Variants in DOCK8 observed in about 807,000 individuals in gnomAD.
DOCK8 encodes dedicator of cytokinesis 8.
A neutral mutation model predicts 245.6 loss-of-function variants in DOCK8; 141 were observed. The observed-to-expected ratio is 0.57, with a 90% CI of 0.50 to 0.66. The LOEUF is 0.66. DOCK8 is among the 30% of genes least tolerant of loss of function. DOCK8 has a pLI of 0.00. For missense variants in DOCK8, 2,965 were observed against 2,603.4 expected (o/e 1.14, Z -3.02); for synonymous variants, 1,168 against 970.2 (o/e 1.20, Z -3.79).
chr9:416,964 T>A (rs930953375), intron 29 of DOCK8, among the ~76,000 whole-genome samples: 5 of 152,274 alleles, frequency 3.3e-5, no homozygotes, highest in Non-Finnish European at 7.3e-5. Flanking sequence ...TTTAACCATT[T>A]GTTTAAAATC....
At chr9:242,119 C>G (rs1052689382) in intron 1 of DOCK8, among the ~76,000 whole-genome samples, 1 of 152,174 alleles carries the variant, frequency 6.6e-6, no homozygotes, top group South Asian at 2.1e-4. Flanking sequence ...CATTTCATCT[C>G]TCTGGGCCTC....
Position 413,081 on chromosome 9 carries a change from G to C in DOCK8, c.3531-1701G>C, listed in dbSNP as rs145657577. Among the ~76,000 whole-genome samples, 635 of 152,088 alleles carry C rather than the reference G, an allele frequency of 4.2e-3. 6 individuals are homozygous for C. The highest frequency in any genetic ancestry group is 0.014 in the African/African-American group (591 of 41,486). On this transcript the variant is annotated intron_variant, in intron 28 of 47. Coordinates refer to ENST00000432829, the MANE Select transcript of DOCK8 (RefSeq NM_203447.4). Reference sequence around the variant, plus strand: ...ATAGACATATAGATCAATGAAATTGGGTTAAGAGTCCAAAAATAAATCTTC... The same window carrying C: ...ATAGACATATAGATCAATGAAATTGCGTTAAGAGTCCAAAAATAAATCTTC...
chr9:367,581 T>C (rs1324807190), intron 14 of DOCK8, among the ~76,000 whole-genome samples: 1 of 152,070 alleles, frequency 6.6e-6, no homozygotes, highest in Non-Finnish European at 1.5e-5. Flanking sequence ...CCAATACGAG[T>C]GCCATGCCAG....
In DOCK8 at chr9:463,597, A is replaced by G. The variant is rs770088044; in HGVS notation, c.6149A>G (p.Tyr2050Cys). The G allele has an allele frequency of 2.5e-6, 4 of 1,614,190 alleles. No individual in the cohort carries two copies. The highest frequency in any genetic ancestry group is 1.7e-5 in the Admixed American group (1 of 60,034). ...TATCAGCAGGAACTCAAAAAGAACTATAACAAGCTAAAAGAGAACCTCAGG... is the reference window on the plus strand; with the variant it reads ...TATCAGCAGGAACTCAAAAAGAACTGTAACAAGCTAAAAGAGAACCTCAGG... ...REYQQELKKN[Y>C]NKLKENLRPM... The change falls in exon 47 of 48, where the codon TAT (tyrosine) becomes TGT (cysteine). Residue 2050 changes from tyrosine (Y) to cysteine (C), a missense_variant. This residue lies in a region of DOCK8 where 134 missense variants were observed against 128.1 expected (regional missense o/e 1.05). Transcript: ENST00000432829.
At chr9:230,198 T>G (rs2131369841) in intron 1 of DOCK8, among the ~76,000 whole-genome samples, 1 of 152,208 alleles carries the variant, frequency 6.6e-6, no homozygotes. Flanking sequence ...AATGATGGTT[T>G]CCAGTTTCAT....
chr9:227,480 C>T lies in DOCK8; in HGVS notation c.53+12451C>T, dbSNP rs118166032. ...TTCTCCTATTCTAAACAATCTGCAGCGTTCCAGGTGGTGGATGATCTGTCA... is the reference window on the plus strand; with the variant it reads ...TTCTCCTATTCTAAACAATCTGCAGTGTTCCAGGTGGTGGATGATCTGTCA... On this transcript the variant is annotated intron_variant, in intron 1 of 47. Coordinates refer to ENST00000432829, the MANE Select transcript of DOCK8 (RefSeq NM_203447.4). Among the ~76,000 whole-genome samples the T allele has an allele frequency of 1.4e-3, 209 of 152,248 alleles. 2 individuals are homozygous for T. The East Asian group carries it at 0.035, about 25-fold the overall frequency.
chr9:278,455 A>G (rs972960398), intron 2 of DOCK8, among the ~76,000 whole-genome samples: 1 of 152,248 alleles, frequency 6.6e-6, no homozygotes, highest in Non-Finnish European at 1.5e-5. Flanking sequence ...TGAAGATACA[A>G]CAGTGAATAC....
In DOCK8 at chr9:325,603, G is replaced by C. The variant is rs1017529036; in HGVS notation, c.828-68G>C. 2.4e-6 allele frequency: 3 copies of C among 1,268,188 alleles called. No homozygotes were observed. In the African/African-American group the frequency reaches 4.4e-5, roughly 19 times the overall value. 78.6% of individuals were successfully genotyped at this position (1,268,188 alleles called of 1,614,324 possible). On this transcript the variant is annotated intron_variant, in intron 7 of 47. Transcript: ENST00000432829. ...TATTTTTAACCAGTTTATCTATCTA[G>C]GTGTTTTCAGAAAATTCAAAATTAT...
rs1198717236 is a variant in DOCK8 at position 428,437 on chromosome 9, G to A, written c.4414G>A (p.Asp1472Asn). ...GGTGCTGGTGAATTCTCTGAACTGT[G>A]ATCAGAGTACCACCTACCTGACTCA... ...LRVLVNSLNC[D>N]QSTTYLTHCF... Residue 1472 changes from aspartate to asparagine, a missense_variant, in exon 35 of 48, where the codon GAT becomes AAT. Physicochemically the swap from Asp to Asn is conservative, Grantham distance 23. This residue lies in a region of DOCK8 where 2,825 missense variants were observed against 2,453.5 expected (regional missense o/e 1.15). Transcript: ENST00000432829. 4 of 1,614,184 alleles carry A rather than the reference G, an allele frequency of 2.5e-6. No individual in the cohort carries two copies. The highest frequency in any genetic ancestry group is 1.6e-4 in the Middle Eastern group (1 of 6,062).
chr9:450,194 A>G (rs894948446), intron 45 of DOCK8, among the ~76,000 whole-genome samples: 26 of 152,176 alleles, frequency 1.7e-4, no homozygotes, highest in Non-Finnish European at 2.9e-5. Context: ...AGGAGTCTCC[A>G]CTTCGGGGCC....
intron 18 of DOCK8, among the ~76,000 whole-genome samples, chr9:375,032 C>T (rs954117150): frequency 3.9e-5 from 6 of 152,156 alleles, no homozygotes; most frequent in African/African-American, 1.4e-4. Context: ...TTTTTCATTT[C>T]TTCCAGTACT....
chr9:286,777 G>A, intron 3 of DOCK8, 141 bp downstream of exon 3: 1 of 843,276 alleles, frequency 1.2e-6, no homozygotes, highest in Non-Finnish European at 1.9e-6. Flanking sequence ...ACAGCTATAT[G>A]ATATCATCAT....
In DOCK8 at chr9:214,894, T is replaced by A; in HGVS notation, c.-83T>A. 6.2e-7 allele frequency: 1 copy of A among 1,602,904 alleles called. No individual in the cohort carries two copies. Among genetic ancestry groups the A allele is most frequent in the Non-Finnish European group, 8.5e-7 (1 of 1,175,548 alleles). On this transcript the variant is annotated 5_prime_UTR_variant, in exon 1 of 48. An upstream start codon of the reference 5' UTR is lost. Coordinates refer to ENST00000432829, the MANE Select transcript of DOCK8 (RefSeq NM_203447.4). ...GACGAGGTTTGCGCTTGGCTGGGCA[T>A]GTTCCGCGGCTACTCTGCGGCGCGC...
chr9:445,040 G>A (rs1012458517), intron 43 of DOCK8, among the ~76,000 whole-genome samples: 8 of 152,192 alleles, frequency 5.3e-5, no homozygotes, highest in Non-Finnish European at 1.2e-4. Flanking sequence ...AAATTGAAGA[G>A]TTTGTTTTTC....
At chr9:432,389 T>A in intron 37 of DOCK8, 65 bp downstream of exon 37, 1 of 1,443,012 alleles carries the variant, frequency 6.9e-7, no homozygotes. Context: ...TGTGTATGTA[T>A]GTATGTACAT....
At chr9:248,088 G>C (rs2047550690) in intron 1 of DOCK8, among the ~76,000 whole-genome samples, 2 of 152,100 alleles carry the variant, frequency 1.3e-5, no homozygotes, top group Admixed American at 1.3e-4. Context: ...CCAATACAGA[G>C]AGTCTGATAA....
At chr9:226,151 C>G (rs2046984997) in intron 1 of DOCK8, among the ~76,000 whole-genome samples, 1 of 152,104 alleles carries the variant, frequency 6.6e-6, no homozygotes, top group Non-Finnish European at 1.5e-5. Context: ...CTGGGGAGGC[C>G]TCACAATCAT....
intron 45 of DOCK8, among the ~76,000 whole-genome samples, chr9:450,988 A>C (rs1224927757): frequency 1.3e-5 from 2 of 151,984 alleles, no homozygotes; most frequent in East Asian, 3.8e-4. Context: ...ATATGAATGA[A>C]AATCTATTAT....
At chr9:421,235 GT>G (rs2056264411) in intron 32 of DOCK8, among the ~76,000 whole-genome samples, 157 bp downstream of exon 32, 1 of 152,202 alleles carries the variant, frequency 6.6e-6, no homozygotes, top group Non-Finnish European at 1.5e-5. Context: ...TGTGACATTT[GT>G]GTTAGCCCTG....
Sources: gnomAD v4.1 joint callset for allele counts (sites outside exome capture counted in the v4.1 genomes callset) on GRCh38, gnomAD v4.1.1 for gene constraint, gnomAD v4.1.1 regional missense constraint, MANE v1.5 for transcripts, NCBI Gene and HGNC (gene_info 2026-07-23, HGNC 2026-07-21) for gene names.